The following MACROD2 variants were observed in gnomAD, a reference collection of about 807,000 sequenced individuals.
The protein encoded by MACROD2 is ADP-ribose glycohydrolase MACROD2.
Under a neutral mutation model 70.4 loss-of-function variants are expected in MACROD2, and 36 were observed. That is an observed-to-expected ratio of 0.51 (90% CI 0.39 to 0.68). The LOEUF (loss-of-function observed/expected upper bound fraction) is 0.68. Among genes scored for constraint, MACROD2 ranks in the 30% least tolerant of loss-of-function variants. MACROD2 has a pLI of 0.00. For synonymous variants in MACROD2, 172 were observed against 178.8 expected (o/e 0.96, Z 0.30); for missense variants, 496 against 538.4 (o/e 0.92, Z 0.78).
At chr20:14,573,687 A>G (rs1980375522) in intron 4 of MACROD2, among the ~76,000 whole-genome samples, 1 of 152,186 alleles carries the variant, frequency 6.6e-6, no homozygotes, top group Admixed American at 6.6e-5. Flanking sequence ...CTATACTGCC[A>G]TCTTTTTGAA....
At chr20:15,087,491 A>G (rs540059974) in intron 5 of MACROD2, among the ~76,000 whole-genome samples, 1 of 152,132 alleles carries the variant, frequency 6.6e-6, no homozygotes, top group East Asian at 1.9e-4. Context: ...TATTTAATAA[A>G]TGGAGCTGAC....
At chr20:15,091,986 A>T (rs555066451) in intron 5 of MACROD2, among the ~76,000 whole-genome samples, 1 of 150,428 alleles carries the variant, frequency 6.6e-6, no homozygotes, top group Non-Finnish European at 1.5e-5. Flanking sequence ...ACAAATACTT[A>T]GGCTGGAAAA....
At chr20:15,896,921 C>A (rs572486063) in intron 10 of MACROD2, among the ~76,000 whole-genome samples, 1 of 152,222 alleles carries the variant, frequency 6.6e-6, no homozygotes, top group Admixed American at 6.5e-5. Flanking sequence ...TGTGAACCAG[C>A]AAGGCATAGA....
intron 5 of MACROD2, among the ~76,000 whole-genome samples, chr20:15,098,702 TATG>T (rs2075851244): frequency 6.6e-6 from 1 of 152,194 alleles, no homozygotes; most frequent in South Asian, 2.1e-4. Context: ...TAAAAGAAGT[TATG>T]ATGGTGGTAG....
rs558289225 is a variant in MACROD2, at chr20:15,991,410, C to G, written c.1153+4252C>G. ...TCTCATAGGATTCTTACATCACTGG[C>G]AGAGCCCTTTCTTCTCTCCTTGAAA... On this transcript the variant is annotated intron_variant, in intron 15 of 17. Coordinates refer to ENST00000684519, the MANE Select transcript of MACROD2 (RefSeq NM_001351661.2). Among the ~76,000 whole-genome samples the G allele has an allele frequency of 3.9e-5, 6 of 152,316 alleles. No homozygotes were observed. In the South Asian group the frequency reaches 1.2e-3, roughly 32 times the overall value.
chr20:15,687,853 A>G (rs1280495346), intron 8 of MACROD2, among the ~76,000 whole-genome samples: 1 of 152,214 alleles, frequency 6.6e-6, no homozygotes, highest in African/African-American at 2.4e-5. Flanking sequence ...TCTCTTCTTC[A>G]GCTTTCCTCT....
intron 5 of MACROD2, among the ~76,000 whole-genome samples, chr20:14,913,163 GA>G (rs1274158632): frequency 6.6e-6 from 1 of 152,058 alleles, no homozygotes; most frequent in Non-Finnish European, 1.5e-5. Flanking sequence ...GTACATGATA[GA>G]AAGATCCATG....
At chr20:15,464,341 A>G (rs1355405408) in intron 7 of MACROD2, among the ~76,000 whole-genome samples, 1 of 152,132 alleles carries the variant, frequency 6.6e-6, no homozygotes, top group Non-Finnish European at 1.5e-5. Context: ...TCTTTTCACG[A>G]AAGACAAGTC....
At chr20:15,449,305 A>G (rs199548388) in intron 7 of MACROD2, among the ~76,000 whole-genome samples, 3 of 121,410 alleles carry the variant, frequency 2.5e-5, no homozygotes, top group African/African-American at 9.9e-5. Flanking sequence ...AACAGCAGCA[A>G]CAACAACATG....
At chr20:14,716,698 G>A (rs1410813887) in intron 5 of MACROD2, among the ~76,000 whole-genome samples, 1 of 152,094 alleles carries the variant, frequency 6.6e-6, no homozygotes, top group Non-Finnish European at 1.5e-5. Context: ...TGAGATAGAA[G>A]TGAAGATGGC....
chr20:14,865,240 T>A (rs1164009727), intron 5 of MACROD2, among the ~76,000 whole-genome samples: 1 of 152,104 alleles, frequency 6.6e-6, no homozygotes, highest in Non-Finnish European at 1.5e-5. Flanking sequence ...TCTGCCTCCA[T>A]GATGCTATCT....
chr20:15,273,112 G>A (rs759219055), intron 6 of MACROD2, among the ~76,000 whole-genome samples: 2 of 152,162 alleles, frequency 1.3e-5, no homozygotes, highest in Non-Finnish European at 2.9e-5. Flanking sequence ...GTGTCTATGA[G>A]GATGTTGCCA....
intron 3 of MACROD2, among the ~76,000 whole-genome samples, chr20:14,124,238 A>G (rs561824914): frequency 6.6e-6 from 1 of 152,176 alleles, no homozygotes; most frequent in East Asian, 1.9e-4. Context: ...ACTGTTTTTT[A>G]TTTCATTTCT....
At chr20:15,204,937 G>A (rs866810941) in intron 5 of MACROD2, among the ~76,000 whole-genome samples, 114 of 152,216 alleles carry the variant, frequency 7.5e-4, no homozygotes, top group African/African-American at 2.7e-3. Context: ...TCATTTGCAT[G>A]TAGGGAATAG....
chr20:14,554,306 G>A (rs1335856183), intron 4 of MACROD2: 5 of 152,108 alleles, frequency 3.3e-5, no homozygotes, highest in African/African-American at 4.8e-5. Context: ...TCTGAAGGGC[G>A]TGGTCAGGCT....
At chr20:14,245,603 A>T (rs2081962826) in intron 3 of MACROD2, among the ~76,000 whole-genome samples, 1 of 152,150 alleles carries the variant, frequency 6.6e-6, no homozygotes, top group Non-Finnish European at 1.5e-5. Flanking sequence ...GTATTGTGAA[A>T]TATACAACTT....
At chr20:15,462,785 T>C (rs966975498) in intron 7 of MACROD2, among the ~76,000 whole-genome samples, 1 of 152,228 alleles carries the variant, frequency 6.6e-6, no homozygotes, top group Admixed American at 6.5e-5. Context: ...AAGAGACTGA[T>C]GTCTGCCTTG....
intron 5 of MACROD2, among the ~76,000 whole-genome samples, chr20:14,707,530 C>G (rs1043662786): frequency 1.3e-5 from 2 of 152,132 alleles, no homozygotes; most frequent in African/African-American, 2.4e-5. Context: ...GATTGTAGCT[C>G]TCAGTGTGAG....
At chr20:14,475,635 T>C (rs2084584549) in intron 3 of MACROD2, among the ~76,000 whole-genome samples, 1 of 152,122 alleles carries the variant, frequency 6.6e-6, no homozygotes, top group Non-Finnish European at 1.5e-5. Flanking sequence ...TTATCTCTCC[T>C]TCATTTCTGA....
Sources: allele counts gnomAD v4.1 joint callset (sites outside exome capture counted in the v4.1 genomes callset), GRCh38; gene constraint gnomAD v4.1.1; transcripts MANE v1.5; gene names NCBI Gene and HGNC (gene_info 2026-07-23, HGNC 2026-07-21).